The following GMDS variants were observed in gnomAD, a reference collection of about 807,000 sequenced individuals.
GMDS encodes GDP-mannose 4,6 dehydratase.
A neutral mutation model predicts 49.9 loss-of-function variants in GMDS; 20 were observed. The observed-to-expected ratio is 0.40, with a 90% CI of 0.28 to 0.58. GMDS has a LOEUF of 0.58. Among genes scored for constraint, GMDS ranks in the 20% least tolerant of loss-of-function variants. The probability of loss-of-function intolerance (pLI) is 0.42; values close to 1 mark genes in which losing one functional copy is unlikely to be tolerated. For synonymous variants in GMDS, 177 were observed against 178.6 expected (o/e 0.99, Z 0.07); for missense variants, 362 against 481.4 (o/e 0.75, Z 2.32).
chr6:2,009,345 T>C (rs1475899220), intron 4 of GMDS, among the ~76,000 whole-genome samples: 2 of 152,202 alleles, frequency 1.3e-5, no homozygotes, highest in African/African-American at 4.8e-5. Context: ...ACTACATCTA[T>C]GATATCAGAC....
chr6:1,842,863 C>G (rs904983664), intron 7 of GMDS, among the ~76,000 whole-genome samples: 2 of 152,010 alleles, frequency 1.3e-5, no homozygotes, highest in Admixed American at 6.6e-5. Context: ...ACCTGTAATC[C>G]CAGCACTTTG....
chr6:1,645,641 T>A (rs1373494204), intron 9 of GMDS, among the ~76,000 whole-genome samples: 2 of 152,362 alleles, frequency 1.3e-5, no homozygotes, highest in African/African-American at 4.8e-5. Context: ...GCGGGCCCCT[T>A]TCTGCAGACA....
At chr6:1,968,211 C>T (rs1561932405) in intron 4 of GMDS, among the ~76,000 whole-genome samples, 1 of 152,182 alleles carries the variant, frequency 6.6e-6, no homozygotes. Context: ...CCACTATTCA[C>T]ATATAATATA....
At position 1,872,840 on chromosome 6, in the gene GMDS, T is replaced by A. The variant is rs139035738; in HGVS notation, c.771+57263A>T. On this transcript the variant is annotated intron_variant, in intron 7 of 10. Transcript: ENST00000380815. ...GGCAGTCAGGAATTTGGCAGCCTAT[T>A]CTGTTACACTCTGCCCGCCCCCAGC... Among the ~76,000 whole-genome samples, 354 of 152,366 alleles carry A rather than the reference T, an allele frequency of 2.3e-3. 6 individuals carry two copies. Among genetic ancestry groups the A allele is most frequent in the Admixed American group, 0.02 (304 of 15,310 alleles).
At chr6:1,960,268 T>C (rs1006630905) in intron 5 of GMDS, among the ~76,000 whole-genome samples, 1 of 152,182 alleles carries the variant, frequency 6.6e-6, no homozygotes, top group African/African-American at 2.4e-5. Flanking sequence ...TTTTGAGGAA[T>C]TAGAATGGAA....
chr6:1,986,718 T>A (rs1368234109), intron 4 of GMDS, among the ~76,000 whole-genome samples: 4 of 152,118 alleles, frequency 2.6e-5, no homozygotes, highest in African/African-American at 9.7e-5. Context: ...AAGCATGCCA[T>A]TAGTTTTGCT....
chr6:1,826,484 A>G (rs1771115588), intron 7 of GMDS, among the ~76,000 whole-genome samples: 1 of 152,208 alleles, frequency 6.6e-6, no homozygotes, highest in Non-Finnish European at 1.5e-5. Context: ...AAGTGCTTAA[A>G]AGTTTGTTGT....
chr6:1,634,887 A>G (rs145959281), intron 9 of GMDS, among the ~76,000 whole-genome samples: 1 of 152,312 alleles, frequency 6.6e-6, no homozygotes, highest in Non-Finnish European at 1.5e-5. Context: ...AAGAGCAGAA[A>G]AGGCCTCCCT....
At chr6:2,017,896 A>G (rs368720756) in intron 4 of GMDS, among the ~76,000 whole-genome samples, 1 of 152,292 alleles carries the variant, frequency 6.6e-6, no homozygotes, top group East Asian at 1.9e-4. Context: ...TATTGTCACC[A>G]GGTCACCATT....
intron 7 of GMDS, among the ~76,000 whole-genome samples, chr6:1,781,942 T>A (rs1769109004): frequency 6.6e-6 from 1 of 151,964 alleles, no homozygotes; most frequent in Non-Finnish European, 1.5e-5. Flanking sequence ...TGGGCTAACT[T>A]CAAACACAAA....
intron 9 of GMDS, among the ~76,000 whole-genome samples, chr6:1,639,735 G>A (rs986290420): frequency 3.9e-5 from 6 of 152,202 alleles, no homozygotes; most frequent in Non-Finnish European, 7.3e-5. Flanking sequence ...AAAACCAGCC[G>A]GGTGTGGTGG....
intron 7 of GMDS, among the ~76,000 whole-genome samples, chr6:1,746,579 C>T (rs1767504847): frequency 6.6e-6 from 1 of 152,144 alleles, no homozygotes; most frequent in Non-Finnish European, 1.5e-5. Flanking sequence ...ATGGCCAAGT[C>T]AAGATGGGTA....
intron 4 of GMDS, among the ~76,000 whole-genome samples, chr6:2,024,522 G>T (rs990074435): frequency 6.6e-6 from 1 of 152,012 alleles, no homozygotes; most frequent in Non-Finnish European, 1.5e-5. Flanking sequence ...AGCAGTTCAG[G>T]GTTAAAGTGT....
At chr6:2,161,404 T>C (rs1777394700) in intron 1 of GMDS, among the ~76,000 whole-genome samples, 2 of 152,164 alleles carry the variant, frequency 1.3e-5, no homozygotes, top group East Asian at 3.8e-4. Context: ...TAGTAACAAA[T>C]GACACGACTG....
chr6:2,016,909 G>A (rs971035268), intron 4 of GMDS, among the ~76,000 whole-genome samples: 2 of 152,128 alleles, frequency 1.3e-5, no homozygotes, highest in African/African-American at 2.4e-5. Flanking sequence ...CAAAGGCAGT[G>A]CTGGGAGGCT....
chr6:2,013,269 T>A (rs1302133650), intron 4 of GMDS, among the ~76,000 whole-genome samples: 2 of 152,090 alleles, frequency 1.3e-5, no homozygotes, highest in Non-Finnish European at 2.9e-5. Flanking sequence ...AACTAAAACC[T>A]GTGGCACTTA....
chr6:1,681,070 TAC>T (rs1262463279), intron 9 of GMDS, among the ~76,000 whole-genome samples: 7 of 151,700 alleles, frequency 4.6e-5, no homozygotes, highest in Non-Finnish European at 8.8e-5. Context: ...TGCTCACACA[TAC>T]ACACACAAGT....
chr6:2,233,925 A>G (rs1000649040), intron 1 of GMDS, among the ~76,000 whole-genome samples: 3 of 152,172 alleles, frequency 2.0e-5, no homozygotes, highest in Non-Finnish European at 2.9e-5. Context: ...CTACATTCCC[A>G]TTCCTTCTTA....
chr6:2,210,532 G>C (rs749270919), intron 1 of GMDS, among the ~76,000 whole-genome samples: 1 of 152,096 alleles, frequency 6.6e-6, no homozygotes, highest in Non-Finnish European at 1.5e-5. Context: ...GTTCATTTCA[G>C]ACCAATGAGA....
Sources: allele counts gnomAD v4.1 joint callset (sites outside exome capture counted in the v4.1 genomes callset), GRCh38; gene constraint gnomAD v4.1.1; transcripts MANE v1.5; gene names NCBI Gene and HGNC (gene_info 2026-07-23, HGNC 2026-07-21).